The following FANCC variants were observed in gnomAD, a reference collection of about 807,000 sequenced individuals.
The protein encoded by FANCC is Fanconi anemia group C protein.
Under a neutral mutation model 71.3 loss-of-function variants are expected in FANCC, and 55 were observed. The ratio of observed to expected loss-of-function variants is 0.77; its 90% CI spans 0.62 to 0.97. The LOEUF is 0.97. FANCC is among the 50% of genes least tolerant of loss of function. The pLI is 0.00. For synonymous variants in FANCC, 275 were observed against 244.9 expected (o/e 1.12, Z -1.15); for missense variants, 678 against 670.9 (o/e 1.01, Z -0.12).
chr9:95,118,669 GTTTTC>G (rs1297454874), intron 10 of FANCC, among the ~76,000 whole-genome samples: 1 of 152,174 alleles, frequency 6.6e-6, no homozygotes, highest in Non-Finnish European at 1.5e-5. Flanking sequence ...CATAAAGTAT[GTTTTC>G]TTTTGTGTCT....
At position 95,141,993 on chromosome 9, in the gene FANCC, T is replaced by TG. The variant is rs1319843836; in HGVS notation, c.687-6492_687-6491insC. ...TGTTAACAGTTTGTGGGGTTTTTTT[T>TG]TTTTTTTTTTTTTTTTGAGGCAGAG... On this transcript the variant is annotated intron_variant, in intron 7 of 14. Coordinates refer to ENST00000289081, the MANE Select transcript of FANCC (RefSeq NM_000136.3). 2.9e-5 allele frequency among the ~76,000 whole-genome samples: 4 copies of TG among 139,414 alleles called. No homozygotes were observed. The East Asian group carries it at 8.3e-4, about 29-fold the overall frequency. 91.5% of individuals were successfully genotyped at this position (139,414 alleles called of 152,430 possible). A position where few individuals can be genotyped will look rare whatever the true frequency, so the allele number is the denominator to read the frequency against.
intron 3 of FANCC, among the ~76,000 whole-genome samples, chr9:95,245,957 G>T (rs1350509080): frequency 6.6e-6 from 1 of 151,504 alleles, no homozygotes; most frequent in Middle Eastern, 3.2e-3. Context: ...AAATCTTATT[G>T]TACTATACTG....
intron 10 of FANCC, among the ~76,000 whole-genome samples, chr9:95,118,376 C>G (rs1046110254): frequency 1.3e-5 from 2 of 152,208 alleles, no homozygotes; most frequent in African/African-American, 4.8e-5. Context: ...TTTCGAGGGC[C>G]AAAGAGCTAC....
chr9:95,140,988 T>C (rs1828567398), intron 7 of FANCC, among the ~76,000 whole-genome samples: 1 of 151,960 alleles, frequency 6.6e-6, no homozygotes, highest in South Asian at 2.1e-4. Flanking sequence ...TGTGACTCAA[T>C]TTGTGACCAT....
intron 4 of FANCC, among the ~76,000 whole-genome samples, chr9:95,205,787 TAGA>T (rs1759154090): frequency 6.6e-6 from 1 of 152,060 alleles, no homozygotes; most frequent in South Asian, 2.1e-4. Flanking sequence ...AAATGGAAAG[TAGA>T]AGAACAAAAC....
intron 3 of FANCC, among the ~76,000 whole-genome samples, chr9:95,241,934 A>G (rs957684415): frequency 4.6e-5 from 7 of 152,228 alleles, no homozygotes; most frequent in Admixed American, 1.3e-4. Flanking sequence ...TGCTGGGATC[A>G]CAGGCATGAG....
At chr9:95,219,026 T>C (rs997694049) in intron 4 of FANCC, among the ~76,000 whole-genome samples, 3 of 152,210 alleles carry the variant, frequency 2.0e-5, no homozygotes. Flanking sequence ...AATTCCTAGT[T>C]TTCTCCCTCA....
At chr9:95,118,414 A>C (rs571307443) in intron 10 of FANCC, among the ~76,000 whole-genome samples, 1 of 152,400 alleles carries the variant, frequency 6.6e-6, no homozygotes, top group African/African-American at 2.4e-5. Context: ...AGGGGCACAG[A>C]AGCTTTTTTA....
At chr9:95,241,834 A>T (rs923964218) in intron 3 of FANCC, among the ~76,000 whole-genome samples, 2 of 151,820 alleles carry the variant, frequency 1.3e-5, no homozygotes, top group Non-Finnish European at 2.9e-5. Context: ...TAATTTTTGT[A>T]TTTTTTGTAG....
intron 14 of FANCC, 23 bp from the exon 15 acceptor site, chr9:95,101,873 G>C (rs201536844): frequency 2.5e-4 from 401 of 1,613,544 alleles, no homozygotes; most frequent in Non-Finnish European, 3.1e-4. Context: ...CAGAAGAGAA[G>C]GCAAATTAAA....
chr9:95,242,479 CAAAA>C (rs1162048314), intron 3 of FANCC, among the ~76,000 whole-genome samples: 1 of 56,240 alleles, frequency 1.8e-5, no homozygotes, highest in East Asian at 4.6e-4. Flanking sequence ...CATTCACCAC[CAAAA>C]AAAAAAAAAA....
chr9:95,178,301 C>T (rs1373127464), intron 4 of FANCC, among the ~76,000 whole-genome samples: 3 of 152,236 alleles, frequency 2.0e-5, no homozygotes, highest in African/African-American at 7.2e-5. Context: ...CATTGTCCTC[C>T]AGCCTCTAAC....
intron 4 of FANCC, among the ~76,000 whole-genome samples, chr9:95,235,844 CAAAAAAAA>C (rs10666439): frequency 8.3e-5 from 3 of 36,222 alleles, no homozygotes; most frequent in Non-Finnish European, 1.3e-4. Context: ...AACTCCACCT[CAAAAAAAA>C]AAAAAAAAAA....
At chr9:95,280,017 T>C (rs902228233) in intron 1 of FANCC, among the ~76,000 whole-genome samples, 1 of 147,242 alleles carries the variant, frequency 6.8e-6, no homozygotes, top group African/African-American at 2.5e-5. Flanking sequence ...GAAAACATGA[T>C]CTAACTATAT....
At chr9:95,280,394 A>G (rs1284511778) in intron 1 of FANCC, among the ~76,000 whole-genome samples, 8 of 152,230 alleles carry the variant, frequency 5.3e-5, no homozygotes, top group Admixed American at 5.2e-4. Flanking sequence ...ACAAGAAAAC[A>G]GAACACTTGA....
intron 1 of FANCC, among the ~76,000 whole-genome samples, chr9:95,302,851 GC>G (rs1834834190): frequency 6.6e-6 from 1 of 152,228 alleles, no homozygotes; most frequent in African/African-American, 2.4e-5. Context: ...CAAATGAATA[GC>G]ATGATCACTG....
chr9:95,116,097 CGG>C, intron 11 of FANCC, among the ~76,000 whole-genome samples: 2 of 152,250 alleles, frequency 1.3e-5, no homozygotes, highest in Non-Finnish European at 2.9e-5. Flanking sequence ...GTTACACAAA[CGG>C]AAAGGTAAAG....
At chr9:95,122,021 C>T (rs1261008860) in intron 10 of FANCC, among the ~76,000 whole-genome samples, 3 of 151,846 alleles carry the variant, frequency 2.0e-5, no homozygotes, top group East Asian at 1.9e-4. Flanking sequence ...CCATGCCCGG[C>T]GAATTTTTTT....
intron 1 of FANCC, among the ~76,000 whole-genome samples, chr9:95,270,326 A>G (rs1262340192): frequency 1.3e-5 from 2 of 152,158 alleles, no homozygotes; most frequent in Non-Finnish European, 2.9e-5. Flanking sequence ...GCAGGCCAAC[A>G]CGAGAGGGGA....
Sources: allele counts gnomAD v4.1 joint callset (sites outside exome capture counted in the v4.1 genomes callset), GRCh38; gene constraint gnomAD v4.1.1; transcripts MANE v1.5; gene names NCBI Gene and HGNC (gene_info 2026-07-23, HGNC 2026-07-21).